RSPH1: variants seen among roughly 807,000 people sequenced by gnomAD.
The protein encoded by RSPH1 is radial spoke head 1 homolog.
RSPH1 carries 32 observed loss-of-function variants against 44.2 expected under a neutral mutation model. The ratio of observed to expected loss-of-function variants is 0.72; its 90% CI spans 0.55 to 0.97. RSPH1 has a LOEUF of 0.97. Ranked by LOEUF, RSPH1 falls within the 50% of genes least tolerant of loss-of-function variation. The probability of loss-of-function intolerance (pLI) is 0.00; values close to 1 mark genes in which losing one functional copy is unlikely to be tolerated. For missense variants in RSPH1, 391 were observed against 398.7 expected, an observed-to-expected ratio of 0.98 and a Z score of 0.16; for synonymous variants, 134 against 147.3, an observed-to-expected ratio of 0.91 and a Z score of 0.65.
chr21:42,474,367 G>C lies in RSPH1; in HGVS notation c.878-1497C>G, dbSNP rs75148943. On this transcript the variant is annotated intron_variant, in intron 8 of 8. Transcript: ENST00000291536. The surrounding 1 kb of genome is among the most constrained non-coding windows in gnomAD (Gnocchi z 5.2). ...CCGGAGTTTCCTGGTCCTGCCCCAG[G>C]TGAGTCATCACCTCTCCTGGGTACA... Among the ~76,000 whole-genome samples the C allele has an allele frequency of 1.3e-5, 2 of 152,176 alleles. No individual in the cohort carries two copies. Among genetic ancestry groups the C allele is most frequent in the African/African-American group, 4.8e-5 (2 of 41,430 alleles).
intron 7 of RSPH1, among the ~76,000 whole-genome samples, chr21:42,476,934 C>T (rs1328132016): frequency 1.3e-5 from 2 of 152,140 alleles, no homozygotes; most frequent in East Asian, 3.8e-4. Flanking sequence ...TCCACAACTC[C>T]CACAGCCCAA....
At chr21:42,476,198 C>T in intron 7 of RSPH1, 151 bp from the exon 8 acceptor site, 1 of 754,944 alleles carries the variant, frequency 1.3e-6, no homozygotes, top group Non-Finnish European at 2.1e-6. Context: ...ATCCACCCAG[C>T]CCAGCCTAGG....
chr21:42,476,496 T>G (rs1184700912), intron 7 of RSPH1, among the ~76,000 whole-genome samples: 1 of 152,154 alleles, frequency 6.6e-6, no homozygotes, highest in African/African-American at 2.4e-5. Context: ...CGGAGTTGGC[T>G]TTCCTCCGCT....
intron 6 of RSPH1, among the ~76,000 whole-genome samples, chr21:42,480,838 C>T (rs2054120649): frequency 6.6e-6 from 1 of 152,094 alleles, no homozygotes; most frequent in African/African-American, 2.4e-5. Flanking sequence ...CTCCCGCAGC[C>T]TTCCAAGCTC....
chr21:42,477,384 T>C lies in RSPH1; in HGVS notation c.634A>G (p.Thr212Ala). 6.2e-7 allele frequency: 1 copy of C among 1,612,986 alleles called. No homozygotes were observed. The highest frequency in any genetic ancestry group is 1.3e-5 in the African/African-American group (1 of 74,712). The change falls in exon 7 of 9, where the codon ACC (threonine) becomes GCC (alanine). Residue 212 changes from threonine to alanine, a missense_variant. Transcript: ENST00000291536. ...CACAGGGCCAATTCAGTGATTTGGGTAGCTTTCCATTTTGGAACAACAGTT... is the reference window on the plus strand; with the variant it reads ...CACAGGGCCAATTCAGTGATTTGGGCAGCTTTCCATTTTGGAACAACAGTT... ...LVTVVPKWKA[T>A]QITELALWTP...
At chr21:42,480,640 CAAAAAAAAAAAAAA>C (rs780506820) in intron 6 of RSPH1, among the ~76,000 whole-genome samples, 5 of 38,744 alleles carry the variant, frequency 1.3e-4, no homozygotes, top group Non-Finnish European at 1.9e-4. Context: ...AACTCCATCT[CAAAAAAAAAAAAAA>C]AAAAAAAAAA....
At chr21:42,477,488 T>A (rs201872112) in intron 6 of RSPH1, 44 bp from the exon 7 acceptor site, 2 of 1,600,742 alleles carry the variant, frequency 1.2e-6, no homozygotes, top group South Asian at 1.1e-5. Flanking sequence ...ATTTGTGTCA[T>A]CTTGGTCTGG....
At chr21:42,490,226 T>C (rs2054223452) in intron 3 of RSPH1, among the ~76,000 whole-genome samples, 1 of 151,470 alleles carries the variant, frequency 6.6e-6, no homozygotes, top group African/African-American at 2.4e-5. Flanking sequence ...TGCAGCACTA[T>C]AGCCTCTGCT....
At chr21:42,475,016 C>T (rs2054030387) in intron 8 of RSPH1, among the ~76,000 whole-genome samples, 1 of 152,322 alleles carries the variant, frequency 6.6e-6, no homozygotes, top group South Asian at 2.1e-4. Flanking sequence ...GGCCCTTTCC[C>T]TCACAAGCAC....
rs368976841 is a variant in RSPH1 at position 42,476,711 on chromosome 21, C to T, written c.727+580G>A. On this transcript the variant is annotated intron_variant, in intron 7 of 8. Coordinates refer to ENST00000291536, the MANE Select transcript of RSPH1 (RefSeq NM_080860.4). ...ACCTAGGTGAGGGGATAAGGGTCCCCGAGACGCCACAGTGCTCCCCATGGA... is the reference window on the plus strand; with the variant it reads ...ACCTAGGTGAGGGGATAAGGGTCCCTGAGACGCCACAGTGCTCCCCATGGA... Among the ~76,000 whole-genome samples the T allele has an allele frequency of 2.6e-4, 40 of 152,170 alleles. No homozygotes were observed. In the East Asian group the frequency reaches 3.9e-3, roughly 15 times the overall value.
At chr21:42,489,758 C>T (rs939883356) in intron 3 of RSPH1, among the ~76,000 whole-genome samples, 17 of 151,734 alleles carry the variant, frequency 1.1e-4, no homozygotes, top group African/African-American at 4.1e-4. Context: ...AGACTGCATG[C>T]ATTCCCCAAG....
intron 6 of RSPH1, among the ~76,000 whole-genome samples, chr21:42,479,171 G>A (rs2054100657): frequency 6.6e-6 from 1 of 152,128 alleles, no homozygotes; most frequent in South Asian, 2.1e-4. Flanking sequence ...AGTGAGCCGT[G>A]GGCTGCAGCT....
chr21:42,489,293 C>T (rs2054212564), intron 3 of RSPH1, among the ~76,000 whole-genome samples: 3 of 148,262 alleles, frequency 2.0e-5, no homozygotes, highest in Admixed American at 6.7e-5. Context: ...GGTTGGTTGG[C>T]TGGTTGGCTA....
At chr21:42,478,255 C>A (rs189491306) in intron 6 of RSPH1, among the ~76,000 whole-genome samples, 15 of 152,220 alleles carry the variant, frequency 9.9e-5, no homozygotes, top group African/African-American at 3.6e-4. Flanking sequence ...GTGATAATAC[C>A]GATGACAGAG....
intron 4 of RSPH1, 157 bp downstream of exon 4, chr21:42,486,214 C>T (rs545462846): frequency 1.6e-6 from 1 of 645,146 alleles, no homozygotes; most frequent in African/African-American, 1.8e-5. Context: ...AGAAAGGCAT[C>T]CTTGCCTCAA....
chr21:42,475,939 C>T lies in RSPH1; in HGVS notation c.836G>A (p.Arg279Gln), dbSNP rs747851441. 1.1e-5 allele frequency: 18 copies of T among 1,612,432 alleles called. No individual in the cohort carries two copies. The highest frequency in any genetic ancestry group is 2.7e-5 in the African/African-American group (2 of 74,508). ...GCGGAACTCCTCCTGGTCATACTCC[C>T]GGCTCTCTTCCCGGAGGACGTCTGC... ...EDADVLREESREYDQEEFRYD... is the reference protein window; with the variant it reads ...EDADVLREESQEYDQEEFRYD... The change falls in exon 8 of 9, where the codon CGG becomes CAG. Residue 279 changes from arginine (R) to glutamine (Q), a missense_variant. By Grantham distance (43) the Arg-to-Gln change is conservative (BLOSUM62 1). Transcript: ENST00000291536.
intron 6 of RSPH1, among the ~76,000 whole-genome samples, chr21:42,481,938 C>T (rs376390166): frequency 1.3e-5 from 2 of 152,168 alleles, no homozygotes; most frequent in Non-Finnish European, 2.9e-5. Context: ...ACCAACGGCA[C>T]GTTCAGAGGA....
intron 1 of RSPH1, among the ~76,000 whole-genome samples, chr21:42,495,031 T>C (rs924309346): frequency 5.3e-5 from 8 of 152,234 alleles, no homozygotes; most frequent in Admixed American, 2.6e-4. Flanking sequence ...TGGGAGAAAG[T>C]AGTAAAGAGG....
intron 3 of RSPH1, among the ~76,000 whole-genome samples, chr21:42,490,013 A>T (rs945892421): frequency 4.6e-5 from 7 of 152,082 alleles, no homozygotes; most frequent in Non-Finnish European, 8.8e-5. Flanking sequence ...GGGAATAGGG[A>T]TGCTCTTTCT....
Sources: gnomAD v4.1 joint callset for allele counts (sites outside exome capture counted in the v4.1 genomes callset) on GRCh38, gnomAD v4.1.1 for gene constraint, Gnocchi (gnomAD v3.1) non-coding constraint, MANE v1.5 for transcripts, NCBI Gene and HGNC (gene_info 2026-07-23, HGNC 2026-07-21) for gene names.